RIMS1: variants seen among roughly 807,000 people sequenced by gnomAD.
RIMS1 encodes regulating synaptic membrane exocytosis 1, also known as regulating synaptic membrane exocytosis protein 1.
RIMS1 carries 83 observed loss-of-function variants against 214.1 expected under a neutral mutation model. The ratio of observed to expected loss-of-function variants is 0.39; its 90% CI spans 0.32 to 0.47. The LOEUF is 0.47. RIMS1 is among the 20% of genes least tolerant of loss of function. RIMS1 has a pLI of 0.99. For synonymous variants in RIMS1, 793 were observed against 786.8 expected (o/e 1.01, Z -0.13); for missense variants, 2,050 against 2,161.8 (o/e 0.95, Z 1.03).
intron 24 of RIMS1, among the ~76,000 whole-genome samples, chr6:72,289,772 A>G (rs2093035751): frequency 6.6e-6 from 1 of 152,168 alleles, no homozygotes; most frequent in Non-Finnish European, 1.5e-5. Flanking sequence ...AGTGAATTTT[A>G]CAGTATTGCT....
At chr6:71,942,543 A>T (rs1583147366) in intron 1 of RIMS1, among the ~76,000 whole-genome samples, 3 of 152,272 alleles carry the variant, frequency 2.0e-5, no homozygotes, top group Admixed American at 2.0e-4. Flanking sequence ...ATTATATATT[A>T]TGGTTATAGT....
At chr6:72,346,802 A>G (rs2097280554) in intron 29 of RIMS1, among the ~76,000 whole-genome samples, 1 of 151,874 alleles carries the variant, frequency 6.6e-6, no homozygotes, top group African/African-American at 2.4e-5. Flanking sequence ...TTTTATTGAA[A>G]TACAGCCATC....
intron 26 of RIMS1, among the ~76,000 whole-genome samples, chr6:72,303,723 T>G (rs1186320768): frequency 1.3e-5 from 2 of 151,634 alleles, no homozygotes; most frequent in East Asian, 3.9e-4. Context: ...TATATAAAGT[T>G]GGAATAAATA....
At chr6:71,890,680 G>A (rs1482889280) in intron 1 of RIMS1, among the ~76,000 whole-genome samples, 2 of 150,726 alleles carry the variant, frequency 1.3e-5, no homozygotes, top group African/African-American at 2.4e-5. Flanking sequence ...GATGAGAATC[G>A]AGTACCATAT....
intron 1 of RIMS1, among the ~76,000 whole-genome samples, chr6:71,940,586 C>CA (rs1561928850): frequency 1.3e-5 from 2 of 152,042 alleles, no homozygotes; most frequent in Non-Finnish European, 2.9e-5. Flanking sequence ...AAGACTATTG[C>CA]AATAAGGGTT....
rs963814878 is a variant in RIMS1, at chr6:72,366,575, CT to C, written c.4367-24021del. Among the ~76,000 whole-genome samples the C allele has an allele frequency of 3.6e-4, 55 of 152,204 alleles. 2 individuals carry two copies. The highest frequency in any genetic ancestry group is 1.3e-3 in the African/African-American group (53 of 41,522). ...AAATTTATGACACATGGCAAATTTG[CT>C]TAGTGATGTTACACTTCATGGTCTT... On this transcript the variant is annotated intron_variant, in intron 29 of 33. Coordinates refer to ENST00000521978, the MANE Select transcript of RIMS1 (RefSeq NM_014989.7).
intron 28 of RIMS1, chr6:72,317,320 C>T: frequency 3.9e-6 from 1 of 259,388 alleles, no homozygotes; most frequent in South Asian, 6.6e-5. Context: ...TGTGTTCTGC[C>T]ACCATAGCGA....
At chr6:72,303,252 A>G (rs1286054286) in intron 26 of RIMS1, among the ~76,000 whole-genome samples, 2 of 150,776 alleles carry the variant, frequency 1.3e-5, no homozygotes, top group Admixed American at 6.6e-5. Flanking sequence ...GGGAAGATTT[A>G]TTAAGGATTT....
chr6:72,201,911 A>C (rs2052053284), intron 6 of RIMS1, among the ~76,000 whole-genome samples: 1 of 152,180 alleles, frequency 6.6e-6, no homozygotes. Flanking sequence ...AGTTAGATAG[A>C]AGCTGGATCC....
At chr6:72,325,462 TATA>T (rs2096411759) in intron 28 of RIMS1, among the ~76,000 whole-genome samples, 1 of 150,914 alleles carries the variant, frequency 6.6e-6, no homozygotes. Flanking sequence ...AATATATATA[TATA>T]ATAACTATTA....
intron 2 of RIMS1, among the ~76,000 whole-genome samples, chr6:71,977,057 G>T (rs1399781060): frequency 6.6e-6 from 1 of 152,072 alleles, no homozygotes; most frequent in Non-Finnish European, 1.5e-5. Context: ...TCCTACAATA[G>T]CGGATGGCAG....
chr6:72,248,281 T>G (rs1202123027), intron 12 of RIMS1, among the ~76,000 whole-genome samples, 154 bp downstream of exon 12: 2 of 152,214 alleles, frequency 1.3e-5, no homozygotes, highest in Admixed American at 1.3e-4. Context: ...GCATTTTTTA[T>G]TATTCCTTTA....
chr6:71,961,965 A>G (rs555463575), intron 1 of RIMS1, among the ~76,000 whole-genome samples: 51 of 152,146 alleles, frequency 3.4e-4, no homozygotes, highest in Non-Finnish European at 6.0e-4. Flanking sequence ...AAGTAAGTAA[A>G]GTAAGTATTA....
intron 29 of RIMS1, among the ~76,000 whole-genome samples, chr6:72,369,045 A>C (rs1429254653): frequency 6.6e-6 from 1 of 150,666 alleles, no homozygotes; most frequent in African/African-American, 2.4e-5. Flanking sequence ...AGGGAGTAGG[A>C]AGAGGTAAAT....
At chr6:72,138,246 A>C (rs952384138) in intron 4 of RIMS1, among the ~76,000 whole-genome samples, 5 of 152,196 alleles carry the variant, frequency 3.3e-5, no homozygotes. Flanking sequence ...TATACAAATG[A>C]AACTTATTAT....
chr6:72,268,468 G>A (rs924486752), intron 22 of RIMS1, among the ~76,000 whole-genome samples: 85 of 152,102 alleles, frequency 5.6e-4, no homozygotes, highest in African/African-American at 2.0e-3. Context: ...AAACGATTTT[G>A]ATTAACATTT....
At chr6:72,035,065 C>A (rs1051077430) in intron 2 of RIMS1, among the ~76,000 whole-genome samples, 1 of 152,110 alleles carries the variant, frequency 6.6e-6, no homozygotes, top group African/African-American at 2.4e-5. Flanking sequence ...GCTGCACCAC[C>A]AGCTTGCTAT....
chr6:72,167,692 T>C (rs754949405), intron 4 of RIMS1, among the ~76,000 whole-genome samples: 1 of 152,118 alleles, frequency 6.6e-6, no homozygotes, highest in Non-Finnish European at 1.5e-5. Context: ...GAGAAATTTC[T>C]CTATTCATGT....
At chr6:72,103,205 A>G (rs1227251788) in intron 4 of RIMS1, among the ~76,000 whole-genome samples, 1 of 152,150 alleles carries the variant, frequency 6.6e-6, no homozygotes, top group Non-Finnish European at 1.5e-5. Context: ...AGCTTATCCT[A>G]GAGAGGAATA....
Sources: allele counts gnomAD v4.1 joint callset (sites outside exome capture counted in the v4.1 genomes callset), GRCh38; gene constraint gnomAD v4.1.1; transcripts MANE v1.5; gene names NCBI Gene and HGNC (gene_info 2026-07-23, HGNC 2026-07-21).